The following PRKG1 variants were observed in gnomAD, a reference collection of about 807,000 sequenced individuals.
The protein encoded by PRKG1 is cGMP-dependent protein kinase 1.
In PRKG1, 35 loss-of-function variants were observed where a neutral mutation model predicts 88.1. That is an observed-to-expected ratio of 0.40 (90% CI 0.30 to 0.53). The LOEUF (loss-of-function observed/expected upper bound fraction) is 0.53. Ranked by LOEUF, PRKG1 falls within the 20% of genes least tolerant of loss-of-function variation. PRKG1 has a pLI of 0.59. For synonymous variants in PRKG1, 303 were observed against 292.5 expected, an observed-to-expected ratio of 1.04 and a Z score of -0.37; for missense variants, 540 against 839.8, an observed-to-expected ratio of 0.64 and a Z score of 4.41.
Position 51,470,045 on chromosome 10 carries a change from C to A in PRKG1, c.592+2209C>A, listed in dbSNP as rs576655731. On this transcript the variant is annotated intron_variant, in intron 3 of 17. Transcript: ENST00000373980. ...TACTTGTGACTGTAGGCCTCAAGCA[C>A]CATTTTTTTCTATATATTTAAATTA... Among the ~76,000 whole-genome samples, 7 of 151,770 alleles carry A rather than the reference C, an allele frequency of 4.6e-5. No homozygotes were observed. In the South Asian group the frequency reaches 1.2e-3, roughly 27 times the overall value.
intron 2 of PRKG1, among the ~76,000 whole-genome samples, chr10:51,389,444 T>G (rs1452973238): frequency 6.6e-6 from 1 of 152,174 alleles, no homozygotes; most frequent in Non-Finnish European, 1.5e-5. Context: ...CTAGAATTAC[T>G]TAACTAAATT....
At chr10:51,009,211 G>A (rs1204475871) in intron 1 of PRKG1, among the ~76,000 whole-genome samples, 1 of 152,080 alleles carries the variant, frequency 6.6e-6, no homozygotes, top group Admixed American at 6.5e-5. Context: ...GGGTTACAAA[G>A]AACAAATGGA....
At chr10:51,960,534 C>T (rs1178675456) in intron 5 of PRKG1, among the ~76,000 whole-genome samples, 3 of 151,310 alleles carry the variant, frequency 2.0e-5, no homozygotes, top group African/African-American at 7.3e-5. Flanking sequence ...TAACCGTTTT[C>T]TATTTTTTCT....
At chr10:51,717,624 G>A in intron 3 of PRKG1, among the ~76,000 whole-genome samples, 1 of 152,238 alleles carries the variant, frequency 6.6e-6, no homozygotes. Flanking sequence ...AAGGTCAGGA[G>A]ATTGAGACCA....
chr10:51,135,894 A>G (rs1275615364), intron 1 of PRKG1, among the ~76,000 whole-genome samples: 1 of 142,032 alleles, frequency 7.0e-6, no homozygotes, highest in Admixed American at 7.4e-5. Flanking sequence ...TAGAAGTGGC[A>G]TGGACTCAAG....
chr10:51,108,334 A>G (rs923318737), intron 1 of PRKG1, among the ~76,000 whole-genome samples: 1 of 152,128 alleles, frequency 6.6e-6, no homozygotes, highest in African/African-American at 2.4e-5. Context: ...ATGAACATAA[A>G]ATGCAAAAAC....
intron 3 of PRKG1, among the ~76,000 whole-genome samples, chr10:51,537,727 CAAA>C (rs33928221): frequency 3.7e-5 from 4 of 107,606 alleles, no homozygotes; most frequent in African/African-American, 1.1e-4. Flanking sequence ...GAGTCTGTCT[CAAA>C]AAAAAAAAAA....
intron 2 of PRKG1, among the ~76,000 whole-genome samples, chr10:51,154,229 A>AG (rs1846148979): frequency 1.3e-5 from 2 of 152,008 alleles, no homozygotes; most frequent in Non-Finnish European, 2.9e-5. Context: ...TTGTAAAAAA[A>AG]GAAGATATTC....
At chr10:51,651,674 C>T (rs1337441071) in intron 3 of PRKG1, among the ~76,000 whole-genome samples, 6 of 151,810 alleles carry the variant, frequency 4.0e-5, no homozygotes, top group East Asian at 1.9e-4. Flanking sequence ...ACCTCTGCCT[C>T]CCAGGTTCAA....
intron 1 of PRKG1, among the ~76,000 whole-genome samples, chr10:51,079,789 GT>G (rs1328550659): frequency 1.3e-5 from 2 of 152,062 alleles, no homozygotes; most frequent in Non-Finnish European, 2.9e-5. Flanking sequence ...CACCATCACA[GT>G]CCTGTTAATA....
chr10:52,090,183 T>C (rs1847020616), intron 7 of PRKG1, among the ~76,000 whole-genome samples: 2 of 152,190 alleles, frequency 1.3e-5, no homozygotes, highest in African/African-American at 4.8e-5. Context: ...GCTAATTCTA[T>C]ACCTGGGGTA....
chr10:51,380,879 A>T (rs577709946), intron 2 of PRKG1, among the ~76,000 whole-genome samples: 15 of 152,172 alleles, frequency 9.9e-5, no homozygotes, highest in African/African-American at 3.6e-4. Flanking sequence ...TACTCGACCA[A>T]TGAGGAACTG....
intron 1 of PRKG1, among the ~76,000 whole-genome samples, chr10:51,040,995 C>T (rs1197903590): frequency 2.0e-5 from 3 of 152,028 alleles, no homozygotes; most frequent in Middle Eastern, 3.2e-3. Context: ...TCTGGTTGCT[C>T]TAGCTAGGAC....
Position 51,299,450 on chromosome 10 carries a change from C to T in PRKG1, c.478+146120C>T, listed in dbSNP as rs1160603572. ...TGAACTCCTGATCTCAGGTGATCCACCCACCTCGGCCTCCCAGAGTGCTGA... is the reference window on the plus strand; with the variant it reads ...TGAACTCCTGATCTCAGGTGATCCATCCACCTCGGCCTCCCAGAGTGCTGA... On this transcript the variant is annotated intron_variant, in intron 2 of 17. Coordinates refer to ENST00000373980, the MANE Select transcript of PRKG1 (RefSeq NM_006258.4). The T allele has an allele frequency of 9.2e-6, 4 of 433,798 alleles. 1 individual carries two copies. The East Asian group carries it at 3.1e-4, about 34-fold the overall frequency. The allele number at this position is 433,798 out of a possible 1,614,324, so 26.9% of individuals were successfully genotyped here. A position where few individuals can be genotyped will look rare whatever the true frequency, so the allele number is the denominator to read the frequency against.
intron 2 of PRKG1, among the ~76,000 whole-genome samples, chr10:51,430,140 G>A (rs1838719638): frequency 6.6e-6 from 1 of 150,514 alleles, no homozygotes; most frequent in Admixed American, 6.6e-5. Context: ...AAAAAGCCAG[G>A]CGTGGTGGCT....
At chr10:51,144,753 G>A (rs1845901721) in intron 1 of PRKG1, among the ~76,000 whole-genome samples, 1 of 152,128 alleles carries the variant, frequency 6.6e-6, no homozygotes, top group Non-Finnish European at 1.5e-5. Flanking sequence ...ACTGAACTGA[G>A]TATGTCAGAG....
At chr10:51,506,842 A>T (rs981304490) in intron 3 of PRKG1, among the ~76,000 whole-genome samples, 2 of 152,174 alleles carry the variant, frequency 1.3e-5, no homozygotes, top group African/African-American at 4.8e-5. Context: ...CTATAAAGAC[A>T]TATGCACACA....
chr10:51,246,225 C>T (rs996134896), intron 2 of PRKG1, among the ~76,000 whole-genome samples: 1 of 151,918 alleles, frequency 6.6e-6, no homozygotes, highest in Non-Finnish European at 1.5e-5. Flanking sequence ...CATTTTGAAA[C>T]AAATATCAAC....
chr10:51,374,268 G>A (rs1243290413), intron 2 of PRKG1, among the ~76,000 whole-genome samples: 3 of 45,176 alleles, frequency 6.6e-5, no homozygotes, highest in Admixed American at 3.1e-4. Context: ...GACAGGCCCC[G>A]GTGTGTTATG....
Sources: gnomAD v4.1 joint callset for allele counts (sites outside exome capture counted in the v4.1 genomes callset) on GRCh38, gnomAD v4.1.1 for gene constraint, MANE v1.5 for transcripts, NCBI Gene and HGNC (gene_info 2026-07-23, HGNC 2026-07-21) for gene names.